The following SLX9 variants were observed in gnomAD, a reference collection of about 807,000 sequenced individuals.
The protein encoded by SLX9 is SLX9 ribosome biogenesis factor, also known as ribosome biogenesis protein SLX9 homolog.
Under a neutral mutation model 20.8 loss-of-function variants are expected in SLX9, and 19 were observed. That is an observed-to-expected ratio of 0.91 (90% CI 0.64 to 1.34). The LOEUF (loss-of-function observed/expected upper bound fraction) is 1.34, where lower values mean the gene tolerates loss of function less well. Ranked by LOEUF, SLX9 falls within the 40% of genes most tolerant of loss-of-function variation. The pLI, the probability that SLX9 is intolerant of heterozygous loss-of-function variation, is 0.00. For missense variants in SLX9, 299 were observed against 322.2 expected (o/e 0.93, Z 0.55); for synonymous variants, 113 against 137.1 (o/e 0.82, Z 1.23).
chr21:44,964,442 G>C (rs1233549138), intron 3 of SLX9, among the ~76,000 whole-genome samples: 1 of 152,138 alleles, frequency 6.6e-6, no homozygotes, highest in Non-Finnish European at 1.5e-5. Context: ...TGTCCTTGCT[G>C]TTCCTCCCGT....
At chr21:44,975,508 T>TC (rs1409638889) in intron 5 of SLX9, among the ~76,000 whole-genome samples, 11 of 152,324 alleles carry the variant, frequency 7.2e-5, no homozygotes, top group African/African-American at 2.6e-4. Flanking sequence ...CCGTGCAGCT[T>TC]CGCTTCCAAG....
intron 3 of SLX9, among the ~76,000 whole-genome samples, chr21:44,961,690 C>T (rs4818998): frequency 0.39 from 58,732 of 152,080 alleles, 11,821 homozygotes; most frequent in African/African-American, 0.47. Flanking sequence ...TTTGTATCTC[C>T]ACCTTCATTT....
intron 3 of SLX9, 60 bp downstream of exon 3, chr21:44,960,228 C>T: frequency 6.7e-7 from 1 of 1,488,018 alleles, no homozygotes; most frequent in Non-Finnish European, 9.4e-7. Context: ...CGTGGGCCCT[C>T]CTATTCCTAC....
chr21:44,971,802 G>A (rs552089879), intron 4 of SLX9, among the ~76,000 whole-genome samples: 1 of 152,306 alleles, frequency 6.6e-6, no homozygotes, highest in South Asian at 2.1e-4. Context: ...GAGGGGGTCG[G>A]CTGGCCAGGG....
chr21:44,945,600 C>T (rs2084627945), intron 2 of SLX9, among the ~76,000 whole-genome samples: 2 of 152,260 alleles, frequency 1.3e-5, no homozygotes, highest in South Asian at 4.1e-4. Context: ...CAGGGAAACT[C>T]CTCTTTAGCA....
At chr21:44,949,781 G>A (rs1189862920) in intron 2 of SLX9, among the ~76,000 whole-genome samples, 15 of 152,194 alleles carry the variant, frequency 9.9e-5, no homozygotes, top group Admixed American at 3.3e-4. Context: ...CAGCCCTTGG[G>A]CAGGGCTGGC....
intron 2 of SLX9, among the ~76,000 whole-genome samples, chr21:44,955,367 C>T (rs1048584298): frequency 2.2e-4 from 34 of 152,234 alleles, no homozygotes; most frequent in African/African-American, 1.4e-4. Context: ...ACCAGCGCTC[C>T]GAGGGAAAGC....
At position 44,959,882 on chromosome 21, in the gene SLX9, G is replaced by T. The variant is rs891735109; in HGVS notation, c.284-218G>T. Among the ~76,000 whole-genome samples the T allele has an allele frequency of 3.9e-5, 6 of 152,176 alleles. No individual in the cohort carries two copies. The South Asian group carries it at 6.2e-4, about 16-fold the overall frequency. On this transcript the variant is annotated intron_variant, in intron 2 of 5. Coordinates refer to ENST00000291634, the MANE Select transcript of SLX9 (RefSeq NM_058190.4). ...GGGTGAGTGGCCAGGCCATCACTGCGGGGGGACGCTGCTGAGAGAGCCTCC... is the reference window on the plus strand; with the variant it reads ...GGGTGAGTGGCCAGGCCATCACTGCTGGGGGACGCTGCTGAGAGAGCCTCC...
chr21:44,957,800 G>A (rs1601399164), intron 2 of SLX9, among the ~76,000 whole-genome samples: 3 of 152,238 alleles, frequency 2.0e-5, no homozygotes, highest in South Asian at 4.1e-4. Flanking sequence ...GCCACTGGCT[G>A]GGGTTCTGTG....
rs768312237 is a variant in SLX9, at chr21:44,943,752, G to T, written c.198G>T (p.Lys66Asn). ...TKIDPSALVQ[K>N]LELDVRSVTS... is the part of the protein sequence containing the mutation. ...TAGACCCCAGCGCCTTGGTGCAGAA[G>T]CTGGAGCTGGACGTGAGGAGTGTCA... The change falls in exon 2 of 6, where the codon AAG (lysine) becomes AAT (asparagine). Residue 66 changes from lysine to asparagine, a missense_variant. Lys to Asn is a moderately conservative substitution (Grantham distance 94). Coordinates refer to ENST00000291634, the MANE Select transcript of SLX9 (RefSeq NM_058190.4). The T allele has an allele frequency of 1.2e-6, 2 of 1,614,234 alleles. No individual in the cohort carries two copies. Among genetic ancestry groups the T allele is most frequent in the Admixed American group, 3.3e-5 (2 of 60,034 alleles).
rs545255752 is a variant in SLX9 at position 44,963,192 on chromosome 21, G to C, written c.352+3024G>C. On this transcript the variant is annotated intron_variant, in intron 3 of 5. Transcript: ENST00000291634. ...CAAGCAACACCTCCTGGGTTCAAGC[G>C]ATTCTTCTGCCTCAGCCTTCTGAGT... is the stretch of plus-strand genomic sequence containing the variant. Among the ~76,000 whole-genome samples the C allele has an allele frequency of 2.6e-5, 4 of 151,668 alleles. No homozygotes were observed. In the South Asian group the frequency reaches 8.3e-4, roughly 32 times the overall value.
chr21:44,959,882 G>A (rs891735109), intron 2 of SLX9, among the ~76,000 whole-genome samples: 30 of 152,176 alleles, frequency 2.0e-4, no homozygotes, highest in East Asian at 3.9e-4. Context: ...CCATCACTGC[G>A]GGGGGACGCT....
intron 5 of SLX9, among the ~76,000 whole-genome samples, chr21:44,975,821 G>A (rs977200492): frequency 2.0e-5 from 3 of 152,278 alleles, no homozygotes; most frequent in Admixed American, 6.5e-5. Context: ...CTGTGGAGAC[G>A]GCCCCAGCCC....
At chr21:44,964,477 G>T (rs919863335) in intron 3 of SLX9, among the ~76,000 whole-genome samples, 2 of 152,124 alleles carry the variant, frequency 1.3e-5, no homozygotes, top group Admixed American at 1.3e-4. Flanking sequence ...ACTCCTGGAG[G>T]CCTCCCCCGG....
At chr21:44,943,546 C>T (rs1048117667) in intron 1 of SLX9, 138 bp from the exon 2 acceptor site, 2 of 1,213,082 alleles carry the variant, frequency 1.6e-6, no homozygotes, top group African/African-American at 1.5e-5. Context: ...GGGTTGTTTC[C>T]CCCAGGTCCT....
intron 2 of SLX9, among the ~76,000 whole-genome samples, chr21:44,957,621 C>T (rs2084881991): frequency 2.0e-5 from 3 of 152,246 alleles, no homozygotes; most frequent in African/African-American, 7.2e-5. Flanking sequence ...TGGGCTTGTT[C>T]ACTGCCAGTA....
At chr21:44,975,487 G>A (rs964125326) in intron 5 of SLX9, among the ~76,000 whole-genome samples, 1 of 152,256 alleles carries the variant, frequency 6.6e-6, no homozygotes, top group Non-Finnish European at 1.5e-5. Flanking sequence ...GGCTCCCCCT[G>A]CAGCCCCTCC....
chr21:44,948,251 GCT>G (rs1379697644), intron 2 of SLX9, among the ~76,000 whole-genome samples: 2 of 148,414 alleles, frequency 1.3e-5, no homozygotes, highest in Non-Finnish European at 3.0e-5. Flanking sequence ...GGTCCGGGGA[GCT>G]GGTCGTGAAG....
chr21:44,952,659 G>A (rs1382482049), intron 2 of SLX9, among the ~76,000 whole-genome samples: 1 of 152,218 alleles, frequency 6.6e-6, no homozygotes, highest in Non-Finnish European at 1.5e-5. Context: ...AGTTGGGGTT[G>A]TGTGGCCCCA....
Sources: allele counts gnomAD v4.1 joint callset (sites outside exome capture counted in the v4.1 genomes callset), GRCh38; gene constraint gnomAD v4.1.1; transcripts MANE v1.5; gene names NCBI Gene and HGNC (gene_info 2026-07-23, HGNC 2026-07-21).